EYS: variants seen among roughly 807,000 people sequenced by gnomAD.
EYS encodes protein eyes shut homolog.
EYS carries 250 observed loss-of-function variants against 282.1 expected under a neutral mutation model. That is an observed-to-expected ratio of 0.89 (90% CI 0.80 to 0.98). The LOEUF is 0.98. Ranked by LOEUF, EYS falls within the 50% of genes least tolerant of loss-of-function variation. EYS has a pLI of 0.00. For synonymous variants in EYS, 1,355 were observed against 1,282.9 expected (o/e 1.06, Z -1.20); for missense variants, 4,016 against 3,709.0 (o/e 1.08, Z -2.15).
intron 22 of EYS, among the ~76,000 whole-genome samples, chr6:64,643,032 T>G (rs1469905906): frequency 6.6e-6 from 1 of 151,972 alleles, no homozygotes; most frequent in Non-Finnish European, 1.5e-5. Flanking sequence ...GGAGAATCAC[T>G]TGAACCTGGG....
chr6:64,001,680 T>G (rs1241061470), intron 33 of EYS, among the ~76,000 whole-genome samples: 1 of 152,216 alleles, frequency 6.6e-6, no homozygotes, highest in Non-Finnish European at 1.5e-5. Context: ...ATTTAAATAA[T>G]TCATCCAGCT....
chr6:64,526,635 T>C (rs185747739), intron 26 of EYS, among the ~76,000 whole-genome samples: 163 of 151,912 alleles, frequency 1.1e-3, no homozygotes, highest in Non-Finnish European at 1.2e-3. Flanking sequence ...TCATCACTTC[T>C]GAAATTTTAC....
intron 28 of EYS, among the ~76,000 whole-genome samples, chr6:64,432,970 A>G (rs779053384): frequency 7.9e-5 from 12 of 151,960 alleles, no homozygotes; most frequent in Non-Finnish European, 1.8e-4. Context: ...ACTGTATTTC[A>G]CCTGATTTTA....
intron 12 of EYS, among the ~76,000 whole-genome samples, chr6:65,250,101 G>T (rs918451654): frequency 5.3e-5 from 8 of 151,840 alleles, no homozygotes; most frequent in Non-Finnish European, 1.2e-4. Flanking sequence ...TGGAATATGT[G>T]GAAAATATTG....
chr6:65,225,211 A>G (rs971035519), intron 12 of EYS, among the ~76,000 whole-genome samples: 15 of 150,962 alleles, frequency 9.9e-5, no homozygotes, highest in Non-Finnish European at 2.1e-4. Flanking sequence ...ATTGAAATAT[A>G]ATAATCAACA....
intron 26 of EYS, among the ~76,000 whole-genome samples, chr6:64,542,432 G>C (rs1466437289): frequency 6.6e-6 from 1 of 151,972 alleles, no homozygotes; most frequent in East Asian, 1.9e-4. Context: ...CTGTTTATTA[G>C]CTAAGACAAG....
At chr6:65,141,313 A>C (rs1287094737) in intron 12 of EYS, among the ~76,000 whole-genome samples, 1 of 152,030 alleles carries the variant, frequency 6.6e-6, no homozygotes, top group African/African-American at 2.4e-5. Context: ...GGACACAGGA[A>C]GGGGAACATC....
At chr6:64,669,846 C>A (rs796424926) in intron 22 of EYS, among the ~76,000 whole-genome samples, 2 of 152,206 alleles carry the variant, frequency 1.3e-5, no homozygotes, top group African/African-American at 4.8e-5. Flanking sequence ...TGTTCTTAAC[C>A]TTGTGGTACT....
intron 26 of EYS, among the ~76,000 whole-genome samples, chr6:64,477,872 T>C (rs1405638353): frequency 6.6e-6 from 1 of 152,120 alleles, no homozygotes; most frequent in Non-Finnish European, 1.5e-5. Flanking sequence ...AATATTTGTG[T>C]TGAAATCAGT....
At chr6:65,698,609 C>A (rs961473737) in intron 1 of EYS, among the ~76,000 whole-genome samples, 3 of 152,180 alleles carry the variant, frequency 2.0e-5, no homozygotes. Context: ...ACATCTTCCT[C>A]TGAGTGTTCT....
chr6:64,255,268 C>G (rs754643940), intron 30 of EYS, among the ~76,000 whole-genome samples: 2 of 151,964 alleles, frequency 1.3e-5, no homozygotes, highest in Non-Finnish European at 2.9e-5. Flanking sequence ...CTTAAACATC[C>G]AGGGGAAGGG....
At chr6:64,784,335 C>T (rs757705670) in intron 22 of EYS, among the ~76,000 whole-genome samples, 4 of 151,498 alleles carry the variant, frequency 2.6e-5, no homozygotes, top group Non-Finnish European at 5.9e-5. Context: ...TATATATGTC[C>T]GTGATATAAG....
chr6:64,746,793 T>C (rs1378735617), intron 22 of EYS, among the ~76,000 whole-genome samples: 1 of 152,246 alleles, frequency 6.6e-6, no homozygotes, highest in African/African-American at 2.4e-5. Flanking sequence ...ATAATCCTGA[T>C]ACTCAAAATC....
intron 30 of EYS, among the ~76,000 whole-genome samples, chr6:64,305,359 T>G (rs1769400840): frequency 1.3e-5 from 2 of 151,586 alleles, no homozygotes. Context: ...AGTGATTTTT[T>G]TTTTTCAGAA....
At chr6:64,800,725 G>A (rs908914034) in intron 22 of EYS, among the ~76,000 whole-genome samples, 2 of 151,620 alleles carry the variant, frequency 1.3e-5, no homozygotes, top group African/African-American at 2.4e-5. Context: ...ACTGACATTA[G>A]CTTTTTTACG....
At chr6:64,234,231 G>A (rs956767992) in intron 30 of EYS, among the ~76,000 whole-genome samples, 1 of 151,462 alleles carries the variant, frequency 6.6e-6, no homozygotes, top group Non-Finnish European at 1.5e-5. Flanking sequence ...ATAACAAAAT[G>A]CATATATCTC....
intron 11 of EYS, among the ~76,000 whole-genome samples, chr6:65,323,544 A>G (rs1769534980): frequency 6.6e-6 from 1 of 150,818 alleles, no homozygotes; most frequent in Admixed American, 6.6e-5. Context: ...CTTCATATAA[A>G]TTATCTCATT....
chr6:64,150,696 A>T (rs868731514), intron 31 of EYS, among the ~76,000 whole-genome samples: 1 of 135,794 alleles, frequency 7.4e-6, no homozygotes, highest in South Asian at 2.1e-4. Context: ...TTAAACATAT[A>T]AAAAAATCCT....
intron 28 of EYS, among the ~76,000 whole-genome samples, chr6:64,393,285 G>A (rs967688388): frequency 4.6e-5 from 7 of 152,042 alleles, no homozygotes; most frequent in Non-Finnish European, 1.0e-4. Flanking sequence ...ATTTTATAAG[G>A]CCAGCATCAT....
Sources: gnomAD v4.1 joint callset for allele counts (sites outside exome capture counted in the v4.1 genomes callset) on GRCh38, gnomAD v4.1.1 for gene constraint, MANE v1.5 for transcripts, NCBI Gene and HGNC (gene_info 2026-07-23, HGNC 2026-07-21) for gene names.